The following ROBO2 variants were observed in gnomAD, a reference collection of about 807,000 sequenced individuals.
ROBO2 encodes roundabout guidance receptor 2.
Under a neutral mutation model 160.8 loss-of-function variants are expected in ROBO2, and 53 were observed. The observed-to-expected ratio is 0.33, with a 90% CI of 0.26 to 0.41. ROBO2 has a LOEUF of 0.41. Among genes scored for constraint, ROBO2 ranks in the 10% least tolerant of loss-of-function variants. The probability of loss-of-function intolerance (pLI) is 1.00; values close to 1 mark genes in which losing one functional copy is unlikely to be tolerated. For missense variants in ROBO2, 1,577 were observed against 1,722.4 expected (o/e 0.92, Z 1.49); for synonymous variants, 664 against 611.7 (o/e 1.09, Z -1.26).
intron 2 of ROBO2, among the ~76,000 whole-genome samples, chr3:76,417,338 C>T (rs1176437820): frequency 2.6e-5 from 4 of 152,224 alleles, no homozygotes; most frequent in Non-Finnish European, 5.9e-5. Context: ...ACTGCTTTCA[C>T]AGTGTCCATT....
At chr3:77,447,153 T>C (rs749497696) in intron 2 of ROBO2, among the ~76,000 whole-genome samples, 1 of 152,144 alleles carries the variant, frequency 6.6e-6, no homozygotes, top group African/African-American at 2.4e-5. Context: ...GAGATTTTAA[T>C]TGATACTACA....
At chr3:76,183,027 C>G (rs2107116163) in intron 2 of ROBO2, among the ~76,000 whole-genome samples, 1 of 152,104 alleles carries the variant, frequency 6.6e-6, no homozygotes, top group African/African-American at 2.4e-5. Flanking sequence ...TTTTCTGTTT[C>G]AAGTGATGTT....
At chr3:77,573,491 T>C (rs1379584625) in intron 13 of ROBO2, among the ~76,000 whole-genome samples, 2 of 152,056 alleles carry the variant, frequency 1.3e-5, no homozygotes, top group Non-Finnish European at 2.9e-5. Context: ...TAAATGAAGA[T>C]ATCAAAAAGT....
chr3:76,589,217 C>T (rs927014279), intron 2 of ROBO2, among the ~76,000 whole-genome samples: 1 of 152,084 alleles, frequency 6.6e-6, no homozygotes, highest in Admixed American at 6.5e-5. Context: ...CTCTGTATAC[C>T]TTGAATATAT....
At chr3:77,609,100 A>G (rs1213557747) in intron 21 of ROBO2, among the ~76,000 whole-genome samples, 4 of 151,824 alleles carry the variant, frequency 2.6e-5, no homozygotes, top group Non-Finnish European at 5.9e-5. Context: ...ATATATGTAT[A>G]CACACATACG....
chr3:77,300,227 T>C (rs2062537181), intron 2 of ROBO2, among the ~76,000 whole-genome samples: 1 of 151,254 alleles, frequency 6.6e-6, no homozygotes, highest in African/African-American at 2.4e-5. Context: ...AACTCTAGAC[T>C]CTGCCTAGAG....
At chr3:76,157,932 C>T (rs1399859036) in intron 2 of ROBO2, among the ~76,000 whole-genome samples, 1 of 152,082 alleles carries the variant, frequency 6.6e-6, no homozygotes, top group Non-Finnish European at 1.5e-5. Context: ...TCAAAATTAC[C>T]ATATCAGATA....
intron 2 of ROBO2, among the ~76,000 whole-genome samples, chr3:76,235,745 G>A (rs532638121): frequency 1.9e-4 from 29 of 152,250 alleles, no homozygotes; most frequent in East Asian, 5.8e-4. Flanking sequence ...ATAATTCATT[G>A]GTGGATTGTT....
intron 2 of ROBO2, among the ~76,000 whole-genome samples, chr3:77,259,805 C>T (rs542630032): frequency 6.6e-6 from 1 of 152,328 alleles, no homozygotes; most frequent in African/African-American, 2.4e-5. Context: ...ACCCCAACCT[C>T]TAGCTGTTCC....
intron 2 of ROBO2, among the ~76,000 whole-genome samples, chr3:77,029,311 T>C (rs1485540805): frequency 6.6e-6 from 1 of 152,204 alleles, no homozygotes; most frequent in Non-Finnish European, 1.5e-5. Context: ...GGGGAGCTTT[T>C]AAAATTGGAG....
At chr3:77,454,058 A>G (rs2081371807) in intron 2 of ROBO2, among the ~76,000 whole-genome samples, 1 of 151,882 alleles carries the variant, frequency 6.6e-6, no homozygotes, top group Non-Finnish European at 1.5e-5. Flanking sequence ...ATTTTAAAAA[A>G]TAGAACTTGT....
chr3:76,765,278 G>A (rs1181990238), intron 2 of ROBO2, among the ~76,000 whole-genome samples: 1 of 151,674 alleles, frequency 6.6e-6, no homozygotes, highest in East Asian at 2.0e-4. Flanking sequence ...GTTACAGCAT[G>A]AGAACTACAT....
intron 2 of ROBO2, among the ~76,000 whole-genome samples, chr3:76,222,374 A>C (rs907773972): frequency 6.6e-5 from 10 of 152,176 alleles, no homozygotes; most frequent in African/African-American, 2.4e-4. Flanking sequence ...TATACTTGGA[A>C]GAGGGCCAAG....
chr3:77,277,180 CT>C (rs59613825), intron 2 of ROBO2, among the ~76,000 whole-genome samples: 12,163 of 114,656 alleles, frequency 0.11, 598 homozygotes, highest in Admixed American at 0.17. Context: ...TTCTTTCTTT[CT>C]TTCTTTCTTT....
chr3:77,645,987 G>T, intron 25 of ROBO2, 67 bp from the exon 28 acceptor site: 1 of 1,205,732 alleles, frequency 8.3e-7, no homozygotes, highest in African/African-American at 1.5e-5. Flanking sequence ...TTTGCTTTTT[G>T]TTATGCTGGT....
intron 2 of ROBO2, among the ~76,000 whole-genome samples, chr3:76,602,756 T>G (rs942875637): frequency 3.3e-5 from 5 of 151,608 alleles, no homozygotes; most frequent in African/African-American, 1.2e-4. Flanking sequence ...GAGTTACAAT[T>G]CAAGATGAGA....
chr3:76,104,015 T>A (rs2069814634), intron 2 of ROBO2, among the ~76,000 whole-genome samples: 1 of 152,202 alleles, frequency 6.6e-6, no homozygotes. Flanking sequence ...CCCTGTAAGG[T>A]ATCTTCTCTA....
At chr3:76,102,567 A>C (rs1576867474) in intron 2 of ROBO2, among the ~76,000 whole-genome samples, 1 of 152,216 alleles carries the variant, frequency 6.6e-6, no homozygotes, top group East Asian at 1.9e-4. Context: ...ATGTTTCAAG[A>C]TAAAATGTTC....
intron 2 of ROBO2, among the ~76,000 whole-genome samples, chr3:77,306,843 T>C (rs1385344137): frequency 6.6e-6 from 1 of 152,226 alleles, no homozygotes; most frequent in East Asian, 1.9e-4. Flanking sequence ...CATTTTTTTC[T>C]AGAATTCTTA....
Sources: allele counts gnomAD v4.1 joint callset (sites outside exome capture counted in the v4.1 genomes callset), GRCh38; gene constraint gnomAD v4.1.1; transcripts MANE v1.5; gene names NCBI Gene and HGNC (gene_info 2026-07-23, HGNC 2026-07-21).